Variants in LRP1B observed in about 807,000 individuals in gnomAD.
LRP1B encodes the protein low-density lipoprotein receptor-related protein 1B.
LRP1B carries 217 observed loss-of-function variants against 556.6 expected under a neutral mutation model. That is an observed-to-expected ratio of 0.39 (90% CI 0.35 to 0.44). The LOEUF is 0.44. LRP1B is among the 20% of genes least tolerant of loss of function. The pLI, the probability that LRP1B is intolerant of heterozygous loss-of-function variation, is 1.00. For synonymous variants in LRP1B, 2,047 were observed against 1,865.8 expected (o/e 1.10, Z -2.50); for missense variants, 5,053 against 5,620.8 (o/e 0.90, Z 3.23).
intron 1 of LRP1B, among the ~76,000 whole-genome samples, chr2:142,037,304 G>A (rs1703912805): frequency 2.0e-5 from 3 of 151,546 alleles, no homozygotes; most frequent in Admixed American, 6.6e-5. Context: ...AGGGAATGCT[G>A]AGAAATGAGT....
chr2:140,597,674 C>A (rs948976472), intron 43 of LRP1B, among the ~76,000 whole-genome samples: 2 of 152,052 alleles, frequency 1.3e-5, no homozygotes, highest in East Asian at 3.9e-4. Flanking sequence ...AGAATTTGTT[C>A]TATATGTATA....
chr2:140,572,739 G>C (rs1299701484), intron 43 of LRP1B, among the ~76,000 whole-genome samples: 1 of 150,308 alleles, frequency 6.7e-6, no homozygotes, highest in Non-Finnish European at 1.5e-5. Context: ...CTGTTCATCA[G>C]CAGGGCAATA....
chr2:140,778,587 C>T (rs992177543), intron 32 of LRP1B, among the ~76,000 whole-genome samples: 1 of 151,918 alleles, frequency 6.6e-6, no homozygotes, highest in African/African-American at 2.4e-5. Flanking sequence ...CAAGCTGAGC[C>T]AAAATCATGC....
intron 2 of LRP1B, among the ~76,000 whole-genome samples, chr2:141,480,874 C>A (rs1202082258): frequency 6.6e-6 from 1 of 152,090 alleles, no homozygotes; most frequent in African/African-American, 2.4e-5. Flanking sequence ...TACTTAAACT[C>A]CTTGAATCTC....
rs1390471936 is a variant in LRP1B, at chr2:141,822,124, C to CAGAGAG, written c.83-11724_83-11723insCTCTCT. On this transcript the variant is annotated intron_variant, in intron 1 of 90. Transcript: ENST00000389484. ...ACACACACACACACACACACACACA[C>CAGAGAG]ACACACAGAGAGAGAGAGAGAGAGA... Among the ~76,000 whole-genome samples, 300 of 111,812 alleles carry CAGAGAG rather than the reference C, an allele frequency of 2.7e-3. 2 individuals carry two copies. Among genetic ancestry groups the CAGAGAG allele is most frequent in the Admixed American group, 4.8e-3 (49 of 10,120 alleles). The allele number at this position is 111,812 out of a possible 152,430, so 73.4% of individuals were successfully genotyped here. A position where few individuals can be genotyped will look rare whatever the true frequency, so the allele number is the denominator to read the frequency against.
chr2:140,569,945 TA>T (rs1681261777), intron 43 of LRP1B, among the ~76,000 whole-genome samples: 1 of 151,708 alleles, frequency 6.6e-6, no homozygotes, highest in African/African-American at 2.4e-5. Flanking sequence ...ATTGGGTTAA[TA>T]AAAAAATTAA....
At chr2:141,861,327 C>T (rs1698232360) in intron 1 of LRP1B, among the ~76,000 whole-genome samples, 1 of 152,116 alleles carries the variant, frequency 6.6e-6, no homozygotes, top group South Asian at 2.1e-4. Flanking sequence ...TAGGACCCTA[C>T]ATTCAATATT....
At chr2:140,590,556 T>TTC (rs56276353) in intron 43 of LRP1B, among the ~76,000 whole-genome samples, 6,904 of 147,362 alleles carry the variant, frequency 0.047, 185 homozygotes, top group Middle Eastern at 0.09. Flanking sequence ...CTAGATCTCT[T>TTC]TCTCTCTCTC....
chr2:141,090,881 C>G (rs953081551), intron 7 of LRP1B, among the ~76,000 whole-genome samples: 7 of 151,926 alleles, frequency 4.6e-5, no homozygotes, highest in African/African-American at 1.5e-4. Flanking sequence ...ACTACTTGTA[C>G]TGATAAGAAG....
chr2:140,773,647 G>T (rs1009938540), intron 33 of LRP1B, among the ~76,000 whole-genome samples: 1 of 145,976 alleles, frequency 6.9e-6, no homozygotes, highest in Non-Finnish European at 1.5e-5. Context: ...TATATAGAGA[G>T]AACTATATTT....
At chr2:140,863,370 A>T (rs1385781137) in intron 27 of LRP1B, among the ~76,000 whole-genome samples, 3 of 152,102 alleles carry the variant, frequency 2.0e-5, no homozygotes, top group Admixed American at 2.0e-4. Context: ...TCCCCTGGGA[A>T]TTTGTTAAAG....
chr2:140,856,865 A>G (rs1692636339), intron 27 of LRP1B, among the ~76,000 whole-genome samples: 1 of 152,102 alleles, frequency 6.6e-6, no homozygotes, highest in Non-Finnish European at 1.5e-5. Flanking sequence ...ACGTAAATGT[A>G]TGTGGGTATA....
At chr2:140,707,820 T>A (rs1686892781) in intron 37 of LRP1B, among the ~76,000 whole-genome samples, 2 of 152,196 alleles carry the variant, frequency 1.3e-5, no homozygotes, top group South Asian at 4.1e-4. Context: ...TTGCTATTGA[T>A]TAAAGAATTC....
chr2:140,888,214 T>C (rs1044360594), intron 23 of LRP1B, among the ~76,000 whole-genome samples: 37 of 152,072 alleles, frequency 2.4e-4, no homozygotes, highest in African/African-American at 8.0e-4. Context: ...TCTATCTACA[T>C]AAAGAAAACA....
intron 6 of LRP1B, among the ~76,000 whole-genome samples, chr2:141,227,912 CAT>C (rs779970391): frequency 8.5e-5 from 13 of 152,194 alleles, no homozygotes; most frequent in African/African-American, 1.9e-4. Flanking sequence ...TGATTGTACA[CAT>C]GTCTCTTCAT....
chr2:141,236,373 C>T (rs943669877), intron 5 of LRP1B, among the ~76,000 whole-genome samples: 23 of 152,040 alleles, frequency 1.5e-4, no homozygotes, highest in Non-Finnish European at 7.4e-5. Context: ...GACAAGTAAA[C>T]ATATCTCACT....
At chr2:141,969,785 A>C (rs759472435) in intron 1 of LRP1B, among the ~76,000 whole-genome samples, 1 of 151,554 alleles carries the variant, frequency 6.6e-6, no homozygotes, top group Non-Finnish European at 1.5e-5. Context: ...TTACTGTATT[A>C]AGATCCCAGT....
chr2:140,470,741 C>G (rs574779223), intron 60 of LRP1B, among the ~76,000 whole-genome samples: 2 of 150,606 alleles, frequency 1.3e-5, no homozygotes, highest in Non-Finnish European at 3.0e-5. Context: ...TTCTGGACTT[C>G]CCTTTCATGT....
At chr2:140,697,849 T>C (rs1321202680) in intron 41 of LRP1B, among the ~76,000 whole-genome samples, 1 of 152,182 alleles carries the variant, frequency 6.6e-6, no homozygotes, top group East Asian at 1.9e-4. Context: ...TTTAGAAATA[T>C]AGTGTTGATG....
Sources: allele counts gnomAD v4.1 joint callset (sites outside exome capture counted in the v4.1 genomes callset), GRCh38; gene constraint gnomAD v4.1.1; transcripts MANE v1.5; gene names NCBI Gene and HGNC (gene_info 2026-07-23, HGNC 2026-07-21).